The following MIPEP variants were observed in gnomAD, a reference collection of about 807,000 sequenced individuals.
The protein encoded by MIPEP is mitochondrial intermediate peptidase.
MIPEP carries 79 observed loss-of-function variants against 90.3 expected under a neutral mutation model. The observed-to-expected ratio is 0.87, with a 90% CI of 0.73 to 1.05. The LOEUF (loss-of-function observed/expected upper bound fraction) is 1.05, where lower values mean the gene tolerates loss of function less well. MIPEP is among the 50% of genes least tolerant of loss of function. MIPEP has a pLI of 0.00. For missense variants in MIPEP, 940 were observed against 905.6 expected (o/e 1.04, Z -0.49); for synonymous variants, 334 against 315.8 (o/e 1.06, Z -0.61).
chr13:23,846,225 G>A (rs1426481445), intron 10 of MIPEP, among the ~76,000 whole-genome samples: 5 of 152,118 alleles, frequency 3.3e-5, no homozygotes, highest in Non-Finnish European at 5.9e-5. Context: ...CACCAGAGAG[G>A]AGAAGAATAG....
At chr13:23,866,855 T>G (rs1365784993) in intron 7 of MIPEP, among the ~76,000 whole-genome samples, 1 of 152,148 alleles carries the variant, frequency 6.6e-6, no homozygotes, top group Non-Finnish European at 1.5e-5. Flanking sequence ...AAACTTAACT[T>G]GAAACAAACC....
chr13:23,822,480 T>A (rs1953317916), intron 14 of MIPEP, among the ~76,000 whole-genome samples: 2 of 152,244 alleles, frequency 1.3e-5, no homozygotes, highest in African/African-American at 4.8e-5. Flanking sequence ...AGCATTTAGC[T>A]AATTGATTCA....
chr13:23,785,623 A>AT (rs1226331418), intron 16 of MIPEP, among the ~76,000 whole-genome samples: 2 of 108,356 alleles, frequency 1.8e-5, no homozygotes, highest in African/African-American at 5.7e-5. Flanking sequence ...TTAAAGTATA[A>AT]TAAAAAAAAA....
chr13:23,776,043 T>C (rs1952712115), intron 16 of MIPEP, among the ~76,000 whole-genome samples: 1 of 152,228 alleles, frequency 6.6e-6, no homozygotes. Flanking sequence ...TTTGTTTTCA[T>C]CTATTTCTTG....
intron 14 of MIPEP, among the ~76,000 whole-genome samples, chr13:23,835,089 C>T (rs951378535): frequency 5.5e-5 from 8 of 145,610 alleles, no homozygotes; most frequent in African/African-American, 7.6e-5. Context: ...GGCGCAATGT[C>T]GGCTCACTGC....
chr13:23,887,705 CTTTGTAGGTGCT>C lies in MIPEP; in HGVS notation c.190-1211_190-1200del, dbSNP rs2092060836. 4.6e-5 allele frequency among the ~76,000 whole-genome samples: 7 copies of C among 152,296 alleles called. No homozygotes were observed. The South Asian group carries it at 1.5e-3, about 32-fold the overall frequency. On this transcript the variant is annotated intron_variant, in intron 1 of 18. Coordinates refer to ENST00000382172, the MANE Select transcript of MIPEP (RefSeq NM_005932.4). ...GCAGATGCTAGGCTTTGTTAATTCA[CTTTGTAGGTGCT>C]TAACGCATAGATTTTCAGAAATACG...
At chr13:23,823,546 G>C (rs1468892703) in intron 14 of MIPEP, among the ~76,000 whole-genome samples, 2 of 152,150 alleles carry the variant, frequency 1.3e-5, no homozygotes, top group African/African-American at 4.8e-5. Context: ...ACAGCATTTG[G>C]AGCTGGGCAC....
At chr13:23,847,246 A>C (rs1431024875) in intron 10 of MIPEP, among the ~76,000 whole-genome samples, 1 of 152,200 alleles carries the variant, frequency 6.6e-6, no homozygotes, top group Non-Finnish European at 1.5e-5. Context: ...TACTGGTCAC[A>C]ATGAGAACAC....
At chr13:23,843,916 G>C (rs1869418851) in intron 10 of MIPEP, among the ~76,000 whole-genome samples, 1 of 152,196 alleles carries the variant, frequency 6.6e-6, no homozygotes, top group Non-Finnish European at 1.5e-5. Flanking sequence ...TAGAGTCACT[G>C]AATCAGCCGG....
At chr13:23,885,912 TAA>T (rs34069993) in intron 2 of MIPEP, among the ~76,000 whole-genome samples, 27 of 134,882 alleles carry the variant, frequency 2.0e-4, no homozygotes, top group Non-Finnish European at 2.7e-4. Context: ...CTGTCTCTAT[TAA>T]AAAAAAAAAA....
intron 16 of MIPEP, among the ~76,000 whole-genome samples, chr13:23,778,253 T>C (rs11617947): frequency 0.2 from 30,586 of 152,196 alleles, 3,618 homozygotes; most frequent in Non-Finnish European, 0.28. Flanking sequence ...GTGAAAAGAA[T>C]GATTGCATCA....
chr13:23,858,731 C>T (rs9553081), intron 10 of MIPEP, 129 bp downstream of exon 10: 15 of 750,646 alleles, frequency 2.0e-5, no homozygotes, highest in African/African-American at 1.1e-4. Flanking sequence ...GAGCAGACCA[C>T]GCCAGCAGAA....
intron 10 of MIPEP, among the ~76,000 whole-genome samples, chr13:23,858,428 G>C (rs575843502): frequency 2.1e-5 from 3 of 144,574 alleles, no homozygotes; most frequent in Non-Finnish European, 4.5e-5. Context: ...AAACATAAGA[G>C]CGCCACTGCA....
intron 16 of MIPEP, among the ~76,000 whole-genome samples, chr13:23,767,266 A>G (rs1454028164): frequency 6.6e-6 from 1 of 152,224 alleles, no homozygotes; most frequent in African/African-American, 2.4e-5. Context: ...TGAGATAGGC[A>G]CTGTTTTAAG....
chr13:23,870,049 T>C lies in MIPEP; in HGVS notation c.750A>G (p.Ile250Met), dbSNP rs952524623. ...RNFTSAGDHI[I>M]IDGLHAESPD... The stretch of plus-strand genomic sequence containing the variant: ...GTGATTCTGCGTGGAGACCATCAAT[T>C]ATGATATGATCCCCAGCAGATGTAA... The change falls in exon 6 of 19, where the codon ATA (isoleucine) becomes ATG (methionine). Residue 250 changes from isoleucine (I) to methionine (M), a missense_variant. Physicochemically the swap from Ile to Met is conservative, Grantham distance 10 (BLOSUM62 1). Coordinates refer to ENST00000382172, the MANE Select transcript of MIPEP (RefSeq NM_005932.4). 6.2e-7 allele frequency: 1 copy of C among 1,609,474 alleles called. No homozygotes were observed. Among genetic ancestry groups the C allele is most frequent in the African/African-American group, 1.3e-5 (1 of 74,754 alleles).
At chr13:23,842,100 T>C (rs998103206) in intron 10 of MIPEP, among the ~76,000 whole-genome samples, 2 of 152,180 alleles carry the variant, frequency 1.3e-5, no homozygotes, top group Admixed American at 6.5e-5. Context: ...TTCTATATAT[T>C]CCAATATAAA....
At chr13:23,731,284 G>A (rs1209453709) in intron 18 of MIPEP, among the ~76,000 whole-genome samples, 1 of 152,174 alleles carries the variant, frequency 6.6e-6, no homozygotes, top group Non-Finnish European at 1.5e-5. Context: ...AAGATTGCAG[G>A]AATCCTCTAT....
chr13:23,751,928 A>C (rs1229120474), intron 18 of MIPEP, among the ~76,000 whole-genome samples: 1 of 151,980 alleles, frequency 6.6e-6, no homozygotes, highest in Non-Finnish European at 1.5e-5. Flanking sequence ...CGACATTAAA[A>C]AAAAAAAAAC....
intron 16 of MIPEP, among the ~76,000 whole-genome samples, chr13:23,773,428 T>C (rs747254405): frequency 6.6e-6 from 1 of 152,194 alleles, no homozygotes; most frequent in African/African-American, 2.4e-5. Context: ...TGTGCATACA[T>C]TTTTGGGTGG....
Sources: gnomAD v4.1 joint callset for allele counts (sites outside exome capture counted in the v4.1 genomes callset) on GRCh38, gnomAD v4.1.1 for gene constraint, MANE v1.5 for transcripts, NCBI Gene and HGNC (gene_info 2026-07-23, HGNC 2026-07-21) for gene names.